STT3B: variants seen among roughly 807,000 people sequenced by gnomAD.
The protein encoded by STT3B is STT3 oligosaccharyltransferase complex catalytic subunit B, also known as dolichyl-diphosphooligosaccharide--protein glycosyltransferase subunit STT3B.
Under a neutral mutation model 96.8 loss-of-function variants are expected in STT3B, and 29 were observed. The observed-to-expected ratio is 0.30, with a 90% CI of 0.22 to 0.41. The LOEUF (loss-of-function observed/expected upper bound fraction) is 0.41, where lower values mean the gene tolerates loss of function less well. Among genes scored for constraint, STT3B ranks in the 10% least tolerant of loss-of-function variants. The pLI, the probability that STT3B is intolerant of heterozygous loss-of-function variation, is 1.00. For missense variants in STT3B, 640 were observed against 1,022.3 expected (o/e 0.63, Z 5.10); for synonymous variants, 367 against 360.0 (o/e 1.02, Z -0.22).
intron 11 of STT3B, among the ~76,000 whole-genome samples, 200 bp from the exon 12 acceptor site, chr3:31,624,714 G>T: frequency 6.8e-6 from 1 of 148,040 alleles, no homozygotes. Context: ...GGTGGTTTGT[G>T]CACACACACA....
At chr3:31,620,149 C>T (rs2125474624) in intron 9 of STT3B, 2 of 316,146 alleles carry the variant, frequency 6.3e-6, no homozygotes, top group Non-Finnish European at 1.2e-5. Context: ...GTGGTGCATG[C>T]CTGTAATCCC....
rs149953150 is a variant in STT3B, at chr3:31,568,009, C to T, written c.315-8387C>T. Among the ~76,000 whole-genome samples, 1,470 of 151,600 alleles carry T rather than the reference C, an allele frequency of 9.7e-3. 15 individuals carry two copies. Among genetic ancestry groups the T allele is most frequent in the Non-Finnish European group, 0.011 (752 of 67,912 alleles). The stretch of plus-strand genomic sequence containing the variant: ...CCCCACATTTTGCCCCCCTCTCTAC[C>T]ACCCTTCCCAGCCTCTGGTAATCAT... On this transcript the variant is annotated intron_variant, in intron 1 of 15. Coordinates refer to ENST00000295770, the MANE Select transcript of STT3B (RefSeq NM_178862.3).
intron 1 of STT3B, 104 bp downstream of exon 1, chr3:31,533,416 A>G: frequency 4.7e-6 from 6 of 1,268,424 alleles, no homozygotes; most frequent in Non-Finnish European, 6.0e-6. Context: ...GCCGCCGCGG[A>G]GCCCCGCTCG....
chr3:31,543,286 T>A (rs1231796107), intron 1 of STT3B, among the ~76,000 whole-genome samples: 1 of 152,152 alleles, frequency 6.6e-6, no homozygotes, highest in Non-Finnish European at 1.5e-5. Context: ...GAGACTTAAG[T>A]TATTTGTTCT....
chr3:31,541,523 T>C (rs1697266764), intron 1 of STT3B, among the ~76,000 whole-genome samples: 1 of 150,906 alleles, frequency 6.6e-6, no homozygotes, highest in African/African-American at 2.4e-5. Flanking sequence ...TCCTTGTTGG[T>C]CAAAGGATTG....
intron 1 of STT3B, among the ~76,000 whole-genome samples, chr3:31,571,613 T>TG: frequency 6.6e-6 from 1 of 152,136 alleles, no homozygotes; most frequent in Non-Finnish European, 1.5e-5. Context: ...ACCTGTGATG[T>TG]GTGACTTTGT....
At chr3:31,619,354 T>A (rs890697463) in intron 8 of STT3B, among the ~76,000 whole-genome samples, 2 of 152,216 alleles carry the variant, frequency 1.3e-5, no homozygotes, top group African/African-American at 4.8e-5. Flanking sequence ...GACTCGTTGA[T>A]GCAAACATGA....
At chr3:31,601,496 G>A (rs1345692834) in intron 5 of STT3B, among the ~76,000 whole-genome samples, 1 of 152,156 alleles carries the variant, frequency 6.6e-6, no homozygotes, top group Non-Finnish European at 1.5e-5. Context: ...GTCCAGAATA[G>A]GCAAATCCAT....
At chr3:31,576,973 T>TTC (rs1294139367) in intron 2 of STT3B, among the ~76,000 whole-genome samples, 4 of 152,162 alleles carry the variant, frequency 2.6e-5, no homozygotes. Context: ...TCATGCAGAC[T>TTC]TCTGATATCC....
At chr3:31,627,924 T>C (rs558930929) in intron 13 of STT3B, among the ~76,000 whole-genome samples, 1 of 151,972 alleles carries the variant, frequency 6.6e-6, no homozygotes, top group Admixed American at 6.6e-5. Flanking sequence ...AAAAGTAAAG[T>C]ATAAGAGGAT....
intron 1 of STT3B, among the ~76,000 whole-genome samples, chr3:31,559,550 T>C (rs1697816709): frequency 6.6e-6 from 1 of 152,094 alleles, no homozygotes; most frequent in African/African-American, 2.4e-5. Context: ...TTTATTTTGT[T>C]GTGGTCTGAG....
chr3:31,606,582 T>C (rs906642898), intron 5 of STT3B, among the ~76,000 whole-genome samples: 1 of 152,168 alleles, frequency 6.6e-6, no homozygotes, highest in African/African-American at 2.4e-5. Context: ...AAGTCAAGAA[T>C]TGAGGTTTGG....
intron 9 of STT3B, among the ~76,000 whole-genome samples, chr3:31,621,352 A>G (rs572715747): frequency 7.2e-5 from 11 of 152,298 alleles, no homozygotes; most frequent in South Asian, 4.1e-4. Flanking sequence ...AAAATGTTCT[A>G]TATCATTATG....
At chr3:31,554,132 T>G (rs1697635668) in intron 1 of STT3B, among the ~76,000 whole-genome samples, 1 of 152,206 alleles carries the variant, frequency 6.6e-6, no homozygotes, top group African/African-American at 2.4e-5. Context: ...CCAACCACAG[T>G]TTGAGATAGC....
At chr3:31,579,511 G>A (rs1160461552) in intron 2 of STT3B, among the ~76,000 whole-genome samples, 1 of 135,774 alleles carries the variant, frequency 7.4e-6, no homozygotes, top group Non-Finnish European at 1.6e-5. Flanking sequence ...AAAAGTTAGT[G>A]GGATCAGTAA....
intron 5 of STT3B, among the ~76,000 whole-genome samples, chr3:31,602,638 G>A (rs918592144): frequency 2.7e-5 from 4 of 150,076 alleles, no homozygotes; most frequent in Admixed American, 6.6e-5. Flanking sequence ...TTTGAGAAAG[G>A]CCTTTGTATT....
At chr3:31,570,547 T>C (rs972380230) in intron 1 of STT3B, among the ~76,000 whole-genome samples, 7 of 152,176 alleles carry the variant, frequency 4.6e-5, no homozygotes, top group African/African-American at 1.7e-4. Flanking sequence ...GAAAAGACCA[T>C]GCTGAAACAT....
intron 1 of STT3B, among the ~76,000 whole-genome samples, chr3:31,568,930 T>C (rs1362475374): frequency 6.6e-6 from 1 of 152,218 alleles, no homozygotes; most frequent in Non-Finnish European, 1.5e-5. Context: ...TGTAAGGAAA[T>C]AATGCAGTAT....
At chr3:31,553,085 G>A (rs1181213100) in intron 1 of STT3B, among the ~76,000 whole-genome samples, 1 of 140,302 alleles carries the variant, frequency 7.1e-6, no homozygotes, top group Admixed American at 7.3e-5. Context: ...CTGGGCGACA[G>A]AGCGAAACTC....
Sources: allele counts gnomAD v4.1 joint callset (sites outside exome capture counted in the v4.1 genomes callset), GRCh38; gene constraint gnomAD v4.1.1; transcripts MANE v1.5; gene names NCBI Gene and HGNC (gene_info 2026-07-23, HGNC 2026-07-21).